The following MCPH1 variants were observed in gnomAD, a reference collection of about 807,000 sequenced individuals.
The protein encoded by MCPH1 is microcephalin.
In MCPH1, 104 loss-of-function variants were observed where a neutral mutation model predicts 84.5. That is an observed-to-expected ratio of 1.23 (90% confidence interval 1.05 to 1.45). The LOEUF is 1.45. Ranked by LOEUF, MCPH1 falls within the 40% of genes most tolerant of loss-of-function variation. The probability of loss-of-function intolerance (pLI) is 0.00; values close to 1 mark genes in which losing one functional copy is unlikely to be tolerated. For missense variants in MCPH1, 1,498 were observed against 1,005.7 expected, an observed-to-expected ratio of 1.49 and a Z score of -6.62; for synonymous variants, 514 against 366.8, an observed-to-expected ratio of 1.40 and a Z score of -4.58.
At chr8:6,472,194 A>G (rs1474871021) in intron 9 of MCPH1, among the ~76,000 whole-genome samples, 1 of 152,248 alleles carries the variant, frequency 6.6e-6, no homozygotes, top group Non-Finnish European at 1.5e-5. Context: ...ATAATATACA[A>G]TGAATATGCC....
intron 12 of MCPH1, among the ~76,000 whole-genome samples, chr8:6,576,068 A>T (rs890508324): frequency 1.3e-5 from 2 of 148,422 alleles, no homozygotes; most frequent in Admixed American, 1.3e-4. Flanking sequence ...AAAAAAAAAA[A>T]GTAATAGGAA....
At chr8:6,575,687 A>G (rs1827017959) in intron 12 of MCPH1, among the ~76,000 whole-genome samples, 1 of 152,198 alleles carries the variant, frequency 6.6e-6, no homozygotes, top group South Asian at 2.1e-4. Flanking sequence ...TTGCAGTTGT[A>G]ATCAGTTAAG....
intron 3 of MCPH1, among the ~76,000 whole-genome samples, chr8:6,427,083 A>C (rs772172991): frequency 6.6e-6 from 1 of 152,224 alleles, no homozygotes; most frequent in Non-Finnish European, 1.5e-5. Flanking sequence ...CCTCTACAGC[A>C]TGTGCAGTTG....
At chr8:6,477,551 T>C (rs41311412) in intron 9 of MCPH1, 43 bp from the exon 10 acceptor site, 2 of 1,570,964 alleles carry the variant, frequency 1.3e-6, no homozygotes, top group East Asian at 2.2e-5. Flanking sequence ...ATATTTTTTA[T>C]GTTTTTGACT....
At chr8:6,472,245 G>C (rs992063763) in intron 9 of MCPH1, among the ~76,000 whole-genome samples, 1 of 152,058 alleles carries the variant, frequency 6.6e-6, no homozygotes, top group Non-Finnish European at 1.5e-5. Flanking sequence ...CACATCAAGA[G>C]GGTTATTTTA....
chr8:6,424,879 G>A (rs927377518), intron 3 of MCPH1, among the ~76,000 whole-genome samples: 3 of 152,194 alleles, frequency 2.0e-5, no homozygotes, highest in South Asian at 2.1e-4. Context: ...AGCGTGCTTC[G>A]CGGCTGGAAT....
intron 11 of MCPH1, among the ~76,000 whole-genome samples, chr8:6,495,884 G>A (rs1010422927): frequency 2.6e-5 from 4 of 152,162 alleles, no homozygotes; most frequent in Admixed American, 2.6e-4. Flanking sequence ...TGTGGGACAA[G>A]TTTCTAACTA....
chr8:6,642,966 G>A (rs1798032333), intron 13 of MCPH1, 28 bp from the exon 14 acceptor site: 1 of 1,610,044 alleles, frequency 6.2e-7, no homozygotes, highest in South Asian at 1.1e-5. Context: ...TATTATGAAT[G>A]CTAAACTGCT....
At chr8:6,492,560 C>T (rs113845889) in intron 11 of MCPH1, among the ~76,000 whole-genome samples, 1,579 of 151,248 alleles carry the variant, frequency 0.01, 29 homozygotes, top group African/African-American at 0.036. Context: ...TGCCTGTGTC[C>T]TGAATATTAT....
intron 3 of MCPH1, among the ~76,000 whole-genome samples, chr8:6,417,638 T>G (rs1447929266): frequency 6.6e-6 from 1 of 152,204 alleles, no homozygotes; most frequent in African/African-American, 2.4e-5. Flanking sequence ...CATTTCTAGT[T>G]GGTTTTTGTA....
At chr8:6,423,137 G>A (rs547816991) in intron 3 of MCPH1, among the ~76,000 whole-genome samples, 1 of 149,382 alleles carries the variant, frequency 6.7e-6, no homozygotes, top group Non-Finnish European at 1.5e-5. Flanking sequence ...CACTTTTAAG[G>A]TCCTCAGAAG....
At chr8:6,519,916 G>C (rs1788413760) in intron 12 of MCPH1, 2 of 1,614,058 alleles carry the variant, frequency 1.2e-6, no homozygotes, top group Non-Finnish European at 1.7e-6. Flanking sequence ...GCCATTCGTG[G>C]TGTGTCCTGA....
chr8:6,563,883 A>G lies in MCPH1; in HGVS notation c.2215-57571A>G, dbSNP rs145458470. 4.6e-3 allele frequency among the ~76,000 whole-genome samples: 707 copies of G among 152,152 alleles called. 11 individuals carry two copies. The highest frequency in any genetic ancestry group is 0.011 in the Admixed American group (175 of 15,290). ...TTCTTTAAAAAAACTCCACTTGGAT[A>G]TTCACTCTAAAAATACACTGTACTG... On this transcript the variant is annotated intron_variant, in intron 12 of 13. Coordinates refer to ENST00000344683, the MANE Select transcript of MCPH1 (RefSeq NM_024596.5).
chr8:6,543,850 A>G (rs1261682910), intron 12 of MCPH1, among the ~76,000 whole-genome samples: 1 of 152,264 alleles, frequency 6.6e-6, no homozygotes, highest in African/African-American at 2.4e-5. Flanking sequence ...CATGGACTTT[A>G]AGGAGCTGTA....
chr8:6,509,086 A>C, intron 12 of MCPH1: 1 of 1,610,444 alleles, frequency 6.2e-7, no homozygotes, highest in Non-Finnish European at 8.5e-7. Context: ...AAGAAAAAAA[A>C]CACATTGGCT....
intron 12 of MCPH1, among the ~76,000 whole-genome samples, chr8:6,549,521 T>A (rs1000463482): frequency 6.6e-6 from 1 of 151,812 alleles, no homozygotes; most frequent in Non-Finnish European, 1.5e-5. Flanking sequence ...AGCTGGGCAG[T>A]CATTACACAG....
intron 12 of MCPH1, among the ~76,000 whole-genome samples, chr8:6,520,719 G>A (rs1158564322): frequency 4.6e-5 from 7 of 152,104 alleles, no homozygotes; most frequent in South Asian, 4.1e-4. Context: ...TATAAGAGAC[G>A]CTGCAAAGTG....
chr8:6,493,560 T>C (rs1810897307), intron 11 of MCPH1, among the ~76,000 whole-genome samples: 2 of 152,342 alleles, frequency 1.3e-5, no homozygotes, highest in South Asian at 4.1e-4. Context: ...TGCCCCTTTC[T>C]TTATGAGACA....
At chr8:6,517,129 G>C (rs1322280971) in intron 12 of MCPH1, among the ~76,000 whole-genome samples, 2 of 152,200 alleles carry the variant, frequency 1.3e-5, no homozygotes, top group Non-Finnish European at 2.9e-5. Context: ...CTGAGTAAAA[G>C]TGCTGAAATT....
Sources: gnomAD v4.1 joint callset for allele counts (sites outside exome capture counted in the v4.1 genomes callset) on GRCh38, gnomAD v4.1.1 for gene constraint, MANE v1.5 for transcripts, NCBI Gene and HGNC (gene_info 2026-07-23, HGNC 2026-07-21) for gene names.